The following ZBTB16 variants were observed in gnomAD, a reference collection of about 807,000 sequenced individuals.
ZBTB16 encodes the protein zinc finger and BTB domain-containing protein 16.
Under a neutral mutation model 56.8 loss-of-function variants are expected in ZBTB16, and 8 were observed. That is an observed-to-expected ratio of 0.14 (90% confidence interval 0.08 to 0.25). The LOEUF (loss-of-function observed/expected upper bound fraction) is 0.25, where lower values mean the gene tolerates loss of function less well. ZBTB16 is among the 10% of genes least tolerant of loss of function. The probability of loss-of-function intolerance (pLI) is 1.00; values close to 1 mark genes in which losing one functional copy is unlikely to be tolerated. For missense variants in ZBTB16, 625 were observed against 903.0 expected, an observed-to-expected ratio of 0.69 and a Z score of 3.95; for synonymous variants, 363 against 368.5, an observed-to-expected ratio of 0.98 and a Z score of 0.17.
chr11:114,223,140 G>A (rs1479102439), intron 4 of ZBTB16, among the ~76,000 whole-genome samples: 1 of 152,154 alleles, frequency 6.6e-6, no homozygotes, highest in Non-Finnish European at 1.5e-5. Flanking sequence ...CGTTCTGCAG[G>A]CCTCTCTAGA....
chr11:114,076,823 T>C (rs1406186021), intron 2 of ZBTB16, among the ~76,000 whole-genome samples: 1 of 152,094 alleles, frequency 6.6e-6, no homozygotes, highest in African/African-American at 2.4e-5. Flanking sequence ...TCTAGCACAA[T>C]GGTTTTCATT....
At chr11:114,070,156 C>A (rs1164792804) in intron 2 of ZBTB16, among the ~76,000 whole-genome samples, 1 of 123,896 alleles carries the variant, frequency 8.1e-6, no homozygotes, top group African/African-American at 3.1e-5. Flanking sequence ...GGTCGGACTG[C>A]GGACTGCAGT....
intron 4 of ZBTB16, among the ~76,000 whole-genome samples, chr11:114,198,353 C>T (rs938177430): frequency 1.3e-5 from 2 of 152,120 alleles, no homozygotes; most frequent in Non-Finnish European, 2.9e-5. Context: ...TAATTTCATG[C>T]TGTTACTATA....
chr11:114,111,756 C>G (rs1026665185), intron 2 of ZBTB16, among the ~76,000 whole-genome samples: 1 of 152,208 alleles, frequency 6.6e-6, no homozygotes, highest in East Asian at 1.9e-4. Context: ...CCGTCTCCCT[C>G]TCCTGGTGCT....
chr11:114,244,217 G>A (rs1056722909), intron 5 of ZBTB16, among the ~76,000 whole-genome samples: 5 of 151,984 alleles, frequency 3.3e-5, no homozygotes, highest in Non-Finnish European at 5.9e-5. Context: ...TGATTCACAC[G>A]GCTCATCATA....
intron 2 of ZBTB16, among the ~76,000 whole-genome samples, chr11:114,127,679 A>G (rs1357958475): frequency 2.0e-5 from 3 of 152,150 alleles, no homozygotes; most frequent in Non-Finnish European, 4.4e-5. Flanking sequence ...GGGACCTCAG[A>G]ATGGGGTTAT....
chr11:114,206,247 C>A (rs1943869473), intron 4 of ZBTB16, among the ~76,000 whole-genome samples: 1 of 152,184 alleles, frequency 6.6e-6, no homozygotes, highest in Non-Finnish European at 1.5e-5. Flanking sequence ...ATTCTAAAAT[C>A]TGTAGACTCC....
Position 114,064,864 on chromosome 11 carries a change from G to T in ZBTB16, c.1268+296G>T, listed in dbSNP as rs1047004822. Among the ~76,000 whole-genome samples the T allele has an allele frequency of 2.6e-5, 4 of 152,056 alleles. No homozygotes were observed. Among genetic ancestry groups the T allele is most frequent in the African/African-American group, 9.7e-5 (4 of 41,400 alleles). On this transcript the variant is annotated intron_variant, in intron 2 of 6. Transcript: ENST00000335953. The surrounding 1 kb of genome is among the most constrained non-coding windows in gnomAD (Gnocchi z 4.2). ...CCCCTGTTTGTTTTTTCGGCTGTTT[G>T]GTCTGTTCTCCTTTGCTTGGAGTGA...
At chr11:114,073,534 C>T (rs958377225) in intron 2 of ZBTB16, among the ~76,000 whole-genome samples, 14 of 152,186 alleles carry the variant, frequency 9.2e-5, no homozygotes, top group Middle Eastern at 3.4e-3. Flanking sequence ...GGAGGGGATC[C>T]GGTACTTTAT....
chr11:114,204,722 G>A (rs1943816868), intron 4 of ZBTB16, among the ~76,000 whole-genome samples: 1 of 152,138 alleles, frequency 6.6e-6, no homozygotes, highest in Non-Finnish European at 1.5e-5. Context: ...TGCTGCTTCT[G>A]TCAACAAGAT....
chr11:114,239,126 G>T (rs1324081342), intron 4 of ZBTB16, among the ~76,000 whole-genome samples: 2 of 152,282 alleles, frequency 1.3e-5, no homozygotes, highest in Non-Finnish European at 2.9e-5. Flanking sequence ...GTATCGAGGG[G>T]CCTTGGAAAG....
intron 2 of ZBTB16, among the ~76,000 whole-genome samples, chr11:114,080,759 T>C (rs1315875853): frequency 6.6e-6 from 1 of 152,234 alleles, no homozygotes; most frequent in Admixed American, 6.5e-5. Flanking sequence ...TCATGCTTGT[T>C]GTTCTGGCTA....
chr11:114,191,785 TAC>T (rs1470449161), intron 4 of ZBTB16, among the ~76,000 whole-genome samples: 3 of 152,156 alleles, frequency 2.0e-5, no homozygotes, highest in East Asian at 1.9e-4. Context: ...CACGCACATA[TAC>T]ACACACACGC....
At chr11:114,105,405 A>G (rs1430956851) in intron 2 of ZBTB16, among the ~76,000 whole-genome samples, 6 of 151,932 alleles carry the variant, frequency 3.9e-5, no homozygotes, top group Admixed American at 3.9e-4. Context: ...ACGCCCAGCT[A>G]ATTTTTGTAT....
intron 4 of ZBTB16, among the ~76,000 whole-genome samples, chr11:114,229,559 C>T (rs899899670): frequency 6.6e-6 from 1 of 152,240 alleles, no homozygotes; most frequent in African/African-American, 2.4e-5. Context: ...GTAGCCCACT[C>T]TCACTTTCTG....
chr11:114,078,289 G>A (rs1286226669), intron 2 of ZBTB16, among the ~76,000 whole-genome samples: 1 of 152,192 alleles, frequency 6.6e-6, no homozygotes, highest in Non-Finnish European at 1.5e-5. Context: ...TGCTTTTTAA[G>A]TTCCCATCTT....
chr11:114,115,232 G>A (rs190433665), intron 2 of ZBTB16, among the ~76,000 whole-genome samples: 2 of 152,046 alleles, frequency 1.3e-5, no homozygotes, highest in Non-Finnish European at 2.9e-5. Flanking sequence ...AGGTGAGCAG[G>A]GACGGTGTAT....
At chr11:114,170,575 C>G (rs771852940) in intron 3 of ZBTB16, among the ~76,000 whole-genome samples, 3 of 152,104 alleles carry the variant, frequency 2.0e-5, no homozygotes, top group African/African-American at 7.2e-5. Context: ...CTCCTTCCCC[C>G]AAACCAGTCC....
rs555990332 is a variant in ZBTB16 at position 114,074,182 on chromosome 11, G to T, written c.1268+9614G>T. ...ACTTCCTGCTTCTCTCATGACCCCA[G>T]CCTGACAAGGGAGCCGCTGAGCCCC... On this transcript the variant is annotated intron_variant, in intron 2 of 6. Coordinates refer to ENST00000335953, the MANE Select transcript of ZBTB16 (RefSeq NM_006006.6). Among the ~76,000 whole-genome samples, 17 of 152,308 alleles carry T rather than the reference G, an allele frequency of 1.1e-4. No individual in the cohort carries two copies. In the East Asian group the frequency reaches 2.1e-3, roughly 19 times the overall value.
Sources: gnomAD v4.1 joint callset for allele counts (sites outside exome capture counted in the v4.1 genomes callset) on GRCh38, gnomAD v4.1.1 for gene constraint, Gnocchi (gnomAD v3.1) non-coding constraint, MANE v1.5 for transcripts, NCBI Gene and HGNC (gene_info 2026-07-23, HGNC 2026-07-21) for gene names.